The following MARK3 variants were observed in gnomAD, a reference collection of about 807,000 sequenced individuals.
MARK3 encodes microtubule affinity regulating kinase 3.
Under a neutral mutation model 90.1 loss-of-function variants are expected in MARK3, and 46 were observed. That is an observed-to-expected ratio of 0.51 (90% CI 0.40 to 0.65). The LOEUF is 0.65. MARK3 is among the 30% of genes least tolerant of loss of function. The probability of loss-of-function intolerance (pLI) is 0.00; values close to 1 mark genes in which losing one functional copy is unlikely to be tolerated. For synonymous variants in MARK3, 321 were observed against 332.6 expected (o/e 0.97, Z 0.38); for missense variants, 818 against 947.2 (o/e 0.86, Z 1.79).
rs148074186 is a variant in MARK3, at chr14:103,402,362, G to A, written c.52-2714G>A. On this transcript the variant is annotated intron_variant, in intron 1 of 17. Transcript: ENST00000429436. ...AAGGTCAGGAGTTCGAGACTAGCCT[G>A]GCCAACATAGTGAAACCCTGTCTCT... Among the ~76,000 whole-genome samples, 142 of 152,114 alleles carry A rather than the reference G, an allele frequency of 9.3e-4. 2 individuals carry two copies. Among genetic ancestry groups the A allele is most frequent in the African/African-American group, 3.4e-3 (141 of 41,498 alleles).
intron 1 of MARK3, among the ~76,000 whole-genome samples, chr14:103,396,991 T>C (rs2090619010): frequency 1.3e-5 from 2 of 152,172 alleles, no homozygotes; most frequent in African/African-American, 4.8e-5. Flanking sequence ...CTTTTTATAT[T>C]ATGCATTGAA....
intron 1 of MARK3, among the ~76,000 whole-genome samples, chr14:103,402,771 G>C (rs888430267): frequency 2.6e-5 from 4 of 152,112 alleles, no homozygotes; most frequent in Non-Finnish European, 5.9e-5. Flanking sequence ...CAGTATGTAT[G>C]AAGAACAAAG....
At chr14:103,444,439 C>G (rs1378130667) in intron 3 of MARK3, among the ~76,000 whole-genome samples, 1 of 152,114 alleles carries the variant, frequency 6.6e-6, no homozygotes, top group Non-Finnish European at 1.5e-5. Flanking sequence ...CAACTAACAT[C>G]TATTTAAGAT....
chr14:103,500,527 C>CT (rs1286906517), intron 17 of MARK3, among the ~76,000 whole-genome samples: 2 of 152,204 alleles, frequency 1.3e-5, no homozygotes, highest in Non-Finnish European at 2.9e-5. Context: ...TCACATGGTT[C>CT]TCTTCACAAG....
intron 6 of MARK3, 56 bp downstream of exon 6, chr14:103,457,268 C>A: frequency 7.7e-7 from 1 of 1,306,406 alleles, no homozygotes; most frequent in Non-Finnish European, 1.1e-6. Context: ...CACTTAAACC[C>A]TGAAGCAAAC....
At chr14:103,470,082 A>G (rs2093596065) in intron 12 of MARK3, among the ~76,000 whole-genome samples, 1 of 151,710 alleles carries the variant, frequency 6.6e-6, no homozygotes, top group South Asian at 2.1e-4. Context: ...AAAAATTTGT[A>G]CTTAAGTGTA....
In MARK3 at chr14:103,415,341, G is replaced by C. The variant is rs563597089; in HGVS notation, c.243+10074G>C. 7.9e-5 allele frequency among the ~76,000 whole-genome samples: 12 copies of C among 152,118 alleles called. No homozygotes were observed. The South Asian group carries it at 2.3e-3, about 29-fold the overall frequency. On this transcript the variant is annotated intron_variant, in intron 2 of 17. Transcript: ENST00000429436. ...TATGGTGTAAGTTCAGTTTAGATGA[G>C]ACTTCCCACAGGATGACCATGAACC...
At chr14:103,428,303 C>T in intron 2 of MARK3, 84 bp from the exon 3 acceptor site, 1 of 666,312 alleles carries the variant, frequency 1.5e-6, no homozygotes, top group Non-Finnish European at 2.5e-6. Flanking sequence ...TGCTTGCTTG[C>T]TTCTTAATGC....
At chr14:103,487,806 T>C (rs1269448293) in intron 14 of MARK3, among the ~76,000 whole-genome samples, 1 of 152,116 alleles carries the variant, frequency 6.6e-6, no homozygotes, top group Non-Finnish European at 1.5e-5. Flanking sequence ...CCCAGCACTT[T>C]GGGAGGCTGA....
chr14:103,397,410 T>C (rs984253871), intron 1 of MARK3, among the ~76,000 whole-genome samples: 3 of 147,654 alleles, frequency 2.0e-5, no homozygotes, highest in Admixed American at 6.9e-5. Context: ...CACCGCAACC[T>C]CCGCCTCCCA....
chr14:103,413,149 C>G (rs2091758048), intron 2 of MARK3, among the ~76,000 whole-genome samples: 1 of 152,154 alleles, frequency 6.6e-6, no homozygotes, highest in Admixed American at 6.5e-5. Flanking sequence ...GCTGGGATTA[C>G]CAGTGTAAGC....
intron 12 of MARK3, among the ~76,000 whole-genome samples, chr14:103,472,298 A>G (rs1318020659): frequency 1.3e-5 from 2 of 152,236 alleles, no homozygotes; most frequent in Middle Eastern, 6.8e-3. Flanking sequence ...GGACTGGTGA[A>G]GGTGTTTCTG....
rs555781156 is a variant in MARK3, at chr14:103,396,401, TTTTC to T, written c.52-8671_52-8668del. Among the ~76,000 whole-genome samples, 137 of 152,322 alleles carry T rather than the reference TTTTC, an allele frequency of 9.0e-4. 2 individuals are homozygous for T. The highest frequency in any genetic ancestry group is 3.3e-3 in the African/African-American group (136 of 41,568). On this transcript the variant is annotated intron_variant, in intron 1 of 17. Transcript: ENST00000429436. Reference sequence around the variant, plus strand: ...GAAAGTATATCTGTTACCACTTTTATTTTCTTTGTCTTGTGGCTTTTTTCCTTAT... The same window carrying T: ...GAAAGTATATCTGTTACCACTTTTATTTTGTCTTGTGGCTTTTTTCCTTAT...
chr14:103,402,039 G>T (rs936783165), intron 1 of MARK3, among the ~76,000 whole-genome samples: 1 of 152,068 alleles, frequency 6.6e-6, no homozygotes, highest in Admixed American at 6.6e-5. Context: ...AGAGATGAGC[G>T]GGCCTTGAAT....
Position 103,405,101 on chromosome 14 carries a change from A to G in MARK3, c.77A>G (p.Gln26Arg). ...ENHTSHGDGR[Q>R]EVTSRTSRSG... ...CACACGTCACATGGAGATGGGCGTC[A>G]AGAAGTTACCTCTCGTACCAGCCGC... Residue 26 changes from glutamine (Q) to arginine (R), a missense_variant, in exon 2 of 18, where the codon CAA (glutamine) becomes CGA (arginine). Coordinates refer to ENST00000429436, the MANE Select transcript of MARK3 (RefSeq NM_001128918.3). The G allele has an allele frequency of 6.2e-7, 1 of 1,614,004 alleles. No homozygotes were observed. The highest frequency in any genetic ancestry group is 1.3e-5 in the African/African-American group (1 of 75,014).
At chr14:103,455,450 G>C (rs1273874731) in intron 5 of MARK3, among the ~76,000 whole-genome samples, 1 of 152,132 alleles carries the variant, frequency 6.6e-6, no homozygotes, top group Non-Finnish European at 1.5e-5. Context: ...ATGCAGGCTG[G>C]GCACGGTGGC....
chr14:103,452,381 C>G (rs558340545), intron 5 of MARK3, among the ~76,000 whole-genome samples: 20 of 152,000 alleles, frequency 1.3e-4, no homozygotes, highest in Non-Finnish European at 2.5e-4. Context: ...ATTTCTCCTT[C>G]TCCCAGTCCT....
chr14:103,405,637 G>A (rs979989092), intron 2 of MARK3, among the ~76,000 whole-genome samples: 5 of 151,372 alleles, frequency 3.3e-5, no homozygotes, highest in African/African-American at 2.4e-5. Flanking sequence ...CATAGCGCCT[G>A]TAATATATAG....
At chr14:103,429,590 A>G (rs760283831) in intron 3 of MARK3, among the ~76,000 whole-genome samples, 8 of 152,166 alleles carry the variant, frequency 5.3e-5, no homozygotes, top group Non-Finnish European at 4.4e-5. Context: ...TGTTATTTCA[A>G]CAAGTGGTTC....
Sources: allele counts gnomAD v4.1 joint callset (sites outside exome capture counted in the v4.1 genomes callset), GRCh38; gene constraint gnomAD v4.1.1; transcripts MANE v1.5; gene names NCBI Gene and HGNC (gene_info 2026-07-23, HGNC 2026-07-21).